Variants in FGFR1OP2 observed in about 807,000 individuals in gnomAD.
FGFR1OP2 encodes the protein fibroblast growth factor receptor 1 oncogene partner 2.
FGFR1OP2 carries 17 observed loss-of-function variants against 35.2 expected under a neutral mutation model. The observed-to-expected ratio is 0.48, with a 90% CI of 0.33 to 0.73. FGFR1OP2 has a LOEUF of 0.73. Among genes scored for constraint, FGFR1OP2 ranks in the 30% least tolerant of loss-of-function variants. The probability of loss-of-function intolerance (pLI) is 0.02; values close to 1 mark genes in which losing one functional copy is unlikely to be tolerated. For missense variants in FGFR1OP2, 251 were observed against 307.3 expected (o/e 0.82, Z 1.37); for synonymous variants, 105 against 104.6 (o/e 1.00, Z -0.03).
intron 4 of FGFR1OP2, among the ~76,000 whole-genome samples, chr12:26,959,258 G>A (rs573785843): frequency 1.3e-5 from 2 of 152,140 alleles, no homozygotes; most frequent in South Asian, 4.1e-4. Flanking sequence ...GGATGTTTAA[G>A]TGGTGATCTT....
At chr12:26,957,935 G>A (rs1259127690) in intron 4 of FGFR1OP2, 192 bp downstream of exon 4, 2 of 451,674 alleles carry the variant, frequency 4.4e-6, no homozygotes, top group Non-Finnish European at 7.6e-6. Flanking sequence ...ATCATTTTCT[G>A]TTTGATTTAT....
chr12:26,940,270 T>C (rs1030236952), intron 1 of FGFR1OP2, among the ~76,000 whole-genome samples: 1 of 152,212 alleles, frequency 6.6e-6, no homozygotes, highest in Admixed American at 6.5e-5. Flanking sequence ...CAGCCACAAT[T>C]CTAAGGGAAC....
intron 1 of FGFR1OP2, among the ~76,000 whole-genome samples, chr12:26,950,213 G>GTTGTTT (rs1938898866): frequency 2.0e-5 from 1 of 50,934 alleles, no homozygotes; most frequent in African/African-American, 8.1e-5. Context: ...TGTATTCGTT[G>GTTGTTT]TTTTTTTTTT....
At position 26,960,567 on chromosome 12, in the gene FGFR1OP2, G is replaced by A. The variant is rs144332739; in HGVS notation, c.449G>A (p.Arg150Gln). ...GAAGGATTCTTCCTTGATGCATCTCGACACATCCTTGAAGCACCTCAACAT... is the reference window on the plus strand; with the variant it reads ...GAAGGATTCTTCCTTGATGCATCTCAACACATCCTTGAAGCACCTCAACAT... ...KSEGFFLDAS[R>Q]HILEAPQHGL... The change falls in exon 5 of 7, where the codon CGA becomes CAA. Residue 150 changes from arginine (R) to glutamine (Q), a missense_variant. Transcript: ENST00000229395. The A allele has an allele frequency of 9.9e-6, 16 of 1,613,324 alleles. No homozygotes were observed. The highest frequency in any genetic ancestry group is 2.7e-5 in the African/African-American group (2 of 74,840).
intron 4 of FGFR1OP2, among the ~76,000 whole-genome samples, chr12:26,959,477 A>T (rs974396435): frequency 6.6e-6 from 1 of 152,200 alleles, no homozygotes; most frequent in Admixed American, 6.5e-5. Context: ...ATCTAAAGCG[A>T]AGAATACCAT....
intron 1 of FGFR1OP2, chr12:26,953,614 G>A (rs1423472987): frequency 6.6e-6 from 1 of 152,172 alleles, no homozygotes; most frequent in African/African-American, 2.4e-5. Flanking sequence ...CCAAGAAGAG[G>A]TTGAGACTTT....
intron 5 of FGFR1OP2, 40 bp from the exon 6 acceptor site, chr12:26,963,302 A>C (rs557467461): frequency 7.3e-7 from 1 of 1,361,348 alleles, no homozygotes; most frequent in East Asian, 2.3e-5. Flanking sequence ...AAAATAAAAA[A>C]GTATTTTGCT....
chr12:26,939,475 T>C (rs1938674334), intron 1 of FGFR1OP2, among the ~76,000 whole-genome samples: 2 of 152,240 alleles, frequency 1.3e-5, no homozygotes, highest in Non-Finnish European at 2.9e-5. Flanking sequence ...TGCTTTAATA[T>C]CCTACCATAC....
At chr12:26,951,728 G>C (rs1938931800) in intron 1 of FGFR1OP2, among the ~76,000 whole-genome samples, 1 of 152,170 alleles carries the variant, frequency 6.6e-6, no homozygotes, top group Non-Finnish European at 1.5e-5. Flanking sequence ...TATGTAGGAA[G>C]ACTATCTAGA....
chr12:26,947,912 C>T (rs1370597915), intron 1 of FGFR1OP2, among the ~76,000 whole-genome samples: 1 of 151,950 alleles, frequency 6.6e-6, no homozygotes, highest in Non-Finnish European at 1.5e-5. Context: ...TGCCTTTTCT[C>T]TGTCTTTTGG....
chr12:26,955,650 C>T (rs1939007168), intron 2 of FGFR1OP2, among the ~76,000 whole-genome samples: 1 of 152,186 alleles, frequency 6.6e-6, no homozygotes, highest in Admixed American at 6.5e-5. Context: ...TGTATCAGTA[C>T]TTCATTCCTG....
rs148086202 is a variant in FGFR1OP2 at position 26,942,960 on chromosome 12, TTA to T, written c.-15+4252_-15+4253del. 9.3e-3 allele frequency among the ~76,000 whole-genome samples: 1,414 copies of T among 152,296 alleles called. 26 individuals carry two copies. Among genetic ancestry groups the T allele is most frequent in the African/African-American group, 0.032 (1,319 of 41,560 alleles). On this transcript the variant is annotated intron_variant, in intron 1 of 6. Transcript: ENST00000229395. The stretch of plus-strand genomic sequence containing the variant: ...GTTTGTGATTTTGATGAGGTCCAGT[TTA>T]TCAAATTTTTCTTTTATGAATCATG...
chr12:26,952,087 CTTTTTT>C (rs34270981), intron 1 of FGFR1OP2, among the ~76,000 whole-genome samples: 1 of 117,218 alleles, frequency 8.5e-6, no homozygotes, highest in Admixed American at 8.7e-5. Context: ...AGTGCCCGTC[CTTTTTT>C]TTTTTTTTTT....
chr12:26,957,319 A>T (rs958426999), intron 3 of FGFR1OP2, among the ~76,000 whole-genome samples: 1 of 152,186 alleles, frequency 6.6e-6, no homozygotes, highest in African/African-American at 2.4e-5. Flanking sequence ...TGTTTTCTCT[A>T]CTAGACTCTT....
intron 1 of FGFR1OP2, among the ~76,000 whole-genome samples, chr12:26,950,383 C>A (rs918463752): frequency 6.6e-6 from 1 of 151,584 alleles, no homozygotes; most frequent in Admixed American, 6.6e-5. Flanking sequence ...CCACTACGCC[C>A]GGCTAATTTT....
intron 3 of FGFR1OP2, 83 bp downstream of exon 3, chr12:26,956,743 C>A: frequency 1.6e-6 from 1 of 626,640 alleles, no homozygotes; most frequent in Non-Finnish European, 2.6e-6. Context: ...TCCTGTCCCA[C>A]ATATGAACAT....
chr12:26,954,087 C>A, intron 1 of FGFR1OP2, 58 bp from the exon 2 acceptor site: 1 of 1,284,922 alleles, frequency 7.8e-7, no homozygotes, highest in Non-Finnish European at 1.1e-6. Context: ...TGACATGAAG[C>A]TAAAATAAAG....
At chr12:26,946,730 G>A (rs527914315) in intron 1 of FGFR1OP2, among the ~76,000 whole-genome samples, 1 of 152,290 alleles carries the variant, frequency 6.6e-6, no homozygotes, top group African/African-American at 2.4e-5. Context: ...AGGGTTTTCA[G>A]TATATTCAGA....
chr12:26,949,374 C>T (rs1938879968), intron 1 of FGFR1OP2, among the ~76,000 whole-genome samples: 1 of 151,996 alleles, frequency 6.6e-6, no homozygotes, highest in Non-Finnish European at 1.5e-5. Flanking sequence ...TCAGGTGATC[C>T]ACCCACCTCA....
Sources: allele counts gnomAD v4.1 joint callset (sites outside exome capture counted in the v4.1 genomes callset), GRCh38; gene constraint gnomAD v4.1.1; transcripts MANE v1.5; gene names NCBI Gene and HGNC (gene_info 2026-07-23, HGNC 2026-07-21).